Variants in ANKRD62 observed in about 807,000 individuals in gnomAD.
The protein encoded by ANKRD62 is ankyrin repeat domain 62, also known as ankyrin repeat domain-containing protein 62.
A neutral mutation model predicts 98.8 loss-of-function variants in ANKRD62; 61 were observed. That is an observed-to-expected ratio of 0.62 (90% confidence interval 0.50 to 0.76). ANKRD62 has a LOEUF of 0.76. Among genes scored for constraint, ANKRD62 ranks in the 30% least tolerant of loss-of-function variants. ANKRD62 has a pLI of 0.00. For synonymous variants in ANKRD62, 341 were observed against 367.9 expected (o/e 0.93, Z 0.84); for missense variants, 933 against 1,082.9 (o/e 0.86, Z 1.94).
intron 11 of ANKRD62, among the ~76,000 whole-genome samples, chr18:12,123,467 G>C (rs796642760): frequency 7.2e-5 from 11 of 152,328 alleles, no homozygotes; most frequent in African/African-American, 2.4e-4. Flanking sequence ...CTTCTATGCG[G>C]AAGGCAGATA....
At chr18:12,139,824 C>T in the ANKRD62 span, among the ~76,000 whole-genome samples, 1 of 152,088 alleles carries the variant, frequency 6.6e-6, no homozygotes, top group African/African-American at 2.4e-5. Context: ...AATTATGCGT[C>T]TTGGAGTTGC....
chr18:12,094,115 G>A lies in ANKRD62; in HGVS notation c.98G>A (p.Arg33Gln), dbSNP rs146930067. The A allele has an allele frequency of 1.9e-3, 2,873 of 1,534,326 alleles. 4 individuals carry two copies. Among genetic ancestry groups the A allele is most frequent in the Non-Finnish European group, 2.3e-3 (2,693 of 1,146,634 alleles). ...GATGGCTTCTCAAATCCCGGGTACCGAGTCCGGCAGAAGGATCTGGGCATG... is the reference window on the plus strand; with the variant it reads ...GATGGCTTCTCAAATCCCGGGTACCAAGTCCGGCAGAAGGATCTGGGCATG... ...DKDGFSNPGY[R>Q]VRQKDLGMIH... The change falls in exon 1 of 14, where the codon CGA becomes CAA. Residue 33 changes from arginine (R) to glutamine (Q), a missense_variant. Coordinates refer to ENST00000587848, the MANE Select transcript of ANKRD62 (RefSeq NM_001277333.2).
At chr18:12,134,185 G>T (rs4797626), downstream of ANKRD62, among the ~76,000 whole-genome samples, 93,297 of 151,960 alleles carry the variant, frequency 0.61, 29,078 homozygotes, top group Middle Eastern at 0.76. Flanking sequence ...GGATTTAGTA[G>T]ACCTTTAATA....
intron 8 of ANKRD62, among the ~76,000 whole-genome samples, chr18:12,107,733 A>G (rs1356532001): frequency 6.6e-6 from 1 of 152,198 alleles, no homozygotes; most frequent in Non-Finnish European, 1.5e-5. Flanking sequence ...GTAAATCTTT[A>G]TTGAAGGGTA....
At chr18:12,105,572 C>G (rs531475478) in intron 7 of ANKRD62, among the ~76,000 whole-genome samples, 1 of 152,248 alleles carries the variant, frequency 6.6e-6, no homozygotes, top group Admixed American at 6.5e-5. Flanking sequence ...AAGAAAAGTT[C>G]AGAAAGATTT....
chr18:12,106,578 A>G (rs1276087173), intron 7 of ANKRD62, among the ~76,000 whole-genome samples: 1 of 152,216 alleles, frequency 6.6e-6, no homozygotes, highest in Non-Finnish European at 1.5e-5. Context: ...GAATCATTTA[A>G]TCTTTTTTGA....
At chr18:12,126,414 A>G (rs1909895413) in intron 13 of ANKRD62, 31 bp downstream of exon 13, 2 of 1,450,410 alleles carry the variant, frequency 1.4e-6, no homozygotes, top group Non-Finnish European at 1.8e-6. Context: ...GTATTTTTCA[A>G]ACTTCCTGAA....
chr18:12,175,451 G>C, the ANKRD62 span, among the ~76,000 whole-genome samples: 1 of 148,134 alleles, frequency 6.8e-6, no homozygotes, highest in Non-Finnish European at 1.5e-5. Flanking sequence ...GTCGGACAAG[G>C]AAAGCAAAAC....
chr18:12,138,583 T>C, the ANKRD62 span, among the ~76,000 whole-genome samples: 4 of 152,196 alleles, frequency 2.6e-5, no homozygotes, highest in Admixed American at 6.5e-5. Flanking sequence ...AGAGCTGAGT[T>C]CAATTCCTGG....
chr18:12,094,728 G>A (rs1328306324), intron 1 of ANKRD62, among the ~76,000 whole-genome samples: 3 of 76,580 alleles, frequency 3.9e-5, no homozygotes, highest in African/African-American at 1.7e-4. Context: ...AGTTGGGTGG[G>A]AGACTGGTGG....
chr18:12,158,048 G>A, the ANKRD62 span, among the ~76,000 whole-genome samples: 2 of 152,248 alleles, frequency 1.3e-5, no homozygotes, highest in Non-Finnish European at 2.9e-5. Context: ...CAGGTTTGGA[G>A]ATCCACAAGT....
At chr18:12,156,148 C>G in the ANKRD62 span, among the ~76,000 whole-genome samples, 77 of 152,038 alleles carry the variant, frequency 5.1e-4, 1 homozygote, top group African/African-American at 1.7e-3. Context: ...GCCTGCTCCC[C>G]CTTTGCCTTC....
At chr18:12,121,331 T>C (rs1190114696) in intron 10 of ANKRD62, among the ~76,000 whole-genome samples, 6 of 152,202 alleles carry the variant, frequency 3.9e-5, no homozygotes, top group Admixed American at 1.3e-4. Flanking sequence ...TGTTGTCCTG[T>C]GAAGTATGAG....
the ANKRD62 span, among the ~76,000 whole-genome samples, chr18:12,154,023 T>C: frequency 6.6e-6 from 1 of 152,094 alleles, no homozygotes; most frequent in Non-Finnish European, 1.5e-5. Flanking sequence ...ACCTAGGCAA[T>C]ACCATCCCAG....
At chr18:12,101,247 G>A (rs1466850273) in intron 6 of ANKRD62, among the ~76,000 whole-genome samples, 2 of 151,970 alleles carry the variant, frequency 1.3e-5, no homozygotes, top group Non-Finnish European at 2.9e-5. Context: ...TCACATTAGA[G>A]ATTCCCATAG....
downstream of ANKRD62, among the ~76,000 whole-genome samples, chr18:12,133,937 C>T (rs1404975038): frequency 6.6e-6 from 1 of 151,846 alleles, no homozygotes; most frequent in Non-Finnish European, 1.5e-5. Flanking sequence ...CTTCCTTGCC[C>T]CAAAGAAAAA....
At chr18:12,146,309 A>T in the ANKRD62 span, among the ~76,000 whole-genome samples, 3 of 152,208 alleles carry the variant, frequency 2.0e-5, no homozygotes, top group Non-Finnish European at 4.4e-5. Context: ...GAGGAGGATC[A>T]GGCCGCCATC....
At chr18:12,121,312 C>T (rs549443066) in intron 10 of ANKRD62, among the ~76,000 whole-genome samples, 40 of 152,236 alleles carry the variant, frequency 2.6e-4, no homozygotes, top group African/African-American at 9.4e-4. Flanking sequence ...CAAGAGTTTT[C>T]GGATTATTTG....
At chr18:12,127,619 A>G (rs1415310973) in intron 13 of ANKRD62, 129 bp from the exon 14 acceptor site, 4 of 626,182 alleles carry the variant, frequency 6.4e-6, no homozygotes, top group East Asian at 3.2e-5. Context: ...ATGTGTACAC[A>G]TGAGGAGGAG....
Sources: gnomAD v4.1 joint callset for allele counts (sites outside exome capture counted in the v4.1 genomes callset) on GRCh38, gnomAD v4.1.1 for gene constraint, MANE v1.5 for transcripts, NCBI Gene and HGNC (gene_info 2026-07-23, HGNC 2026-07-21) for gene names.